Variants in PTPN14 observed in about 807,000 individuals in gnomAD.
PTPN14 encodes the protein protein tyrosine phosphatase non-receptor type 14.
A neutral mutation model predicts 126.8 loss-of-function variants in PTPN14; 53 were observed. That is an observed-to-expected ratio of 0.42 (90% CI 0.34 to 0.53). The LOEUF (loss-of-function observed/expected upper bound fraction) is 0.53. Ranked by LOEUF, PTPN14 falls within the 20% of genes least tolerant of loss-of-function variation. The pLI, the probability that PTPN14 is intolerant of heterozygous loss-of-function variation, is 0.08. For synonymous variants in PTPN14, 630 were observed against 599.3 expected (o/e 1.05, Z -0.75); for missense variants, 1,257 against 1,552.9 (o/e 0.81, Z 3.20).
chr1:214,400,627 G>A (rs961877502), intron 7 of PTPN14, among the ~76,000 whole-genome samples: 145 of 152,300 alleles, frequency 9.5e-4, no homozygotes, highest in African/African-American at 3.4e-3. Context: ...TAGAAGCAGA[G>A]AAAAGTTTAC....
At chr1:214,438,765 C>T (rs1455466196) in intron 3 of PTPN14, among the ~76,000 whole-genome samples, 1 of 152,206 alleles carries the variant, frequency 6.6e-6, no homozygotes, top group Non-Finnish European at 1.5e-5. Context: ...AGAGAATCTT[C>T]TGCCAGGTGA....
chr1:214,376,146 T>G, intron 15 of PTPN14, 73 bp downstream of exon 15: 1 of 1,408,794 alleles, frequency 7.1e-7, no homozygotes, highest in Non-Finnish European at 9.8e-7. Context: ...AGCCCACACA[T>G]TTTCTTCTCC....
At chr1:214,494,515 T>C (rs1310804670) in intron 1 of PTPN14, among the ~76,000 whole-genome samples, 1 of 152,224 alleles carries the variant, frequency 6.6e-6, no homozygotes, top group African/African-American at 2.4e-5. Flanking sequence ...GAACAAGCCC[T>C]GGATGTACTT....
intron 2 of PTPN14, among the ~76,000 whole-genome samples, chr1:214,454,049 A>T (rs2102637944): frequency 6.6e-6 from 1 of 152,310 alleles, no homozygotes; most frequent in South Asian, 2.1e-4. Flanking sequence ...TCCTGTATGG[A>T]ACACAGGGCT....
chr1:214,441,259 T>G (rs1409326527), intron 3 of PTPN14, among the ~76,000 whole-genome samples: 1 of 152,220 alleles, frequency 6.6e-6, no homozygotes, highest in Non-Finnish European at 1.5e-5. Context: ...ATCTTGCACA[T>G]AAATGTTAGC....
chr1:214,494,033 C>T (rs535069186), intron 1 of PTPN14, among the ~76,000 whole-genome samples: 57 of 152,218 alleles, frequency 3.7e-4, no homozygotes, highest in Middle Eastern at 6.8e-3. Flanking sequence ...TCCTCTCTCC[C>T]GTCCTTAGTG....
chr1:214,408,707 TG>T (rs1659227548), intron 5 of PTPN14, among the ~76,000 whole-genome samples: 1 of 151,980 alleles, frequency 6.6e-6, no homozygotes, highest in Admixed American at 6.5e-5. Context: ...ACAGGAAGGA[TG>T]GTGAGGGTGT....
At position 214,350,165 on chromosome 1, in the gene PTPN14, T is replaced by C. The variant is rs1238201918; in HGVS notation, c.*7757A>G. The C allele has an allele frequency of 6.6e-6, 1 of 152,224 alleles. No individual in the cohort carries two copies. The highest frequency in any genetic ancestry group is 2.4e-5 in the African/African-American group (1 of 41,462). The allele number at this position is 152,224 out of a possible 1,614,324, so 9.4% of individuals were successfully genotyped here. On this transcript the variant is annotated 3_prime_UTR_variant, in exon 19 of 19. Transcript: ENST00000366956. Reference sequence around the variant, plus strand: ...TTGGATGACCCGCTAATCTTTCCCCTTCCTAGGTAAGTGAAAACAGATAAA... The same window carrying C: ...TTGGATGACCCGCTAATCTTTCCCCCTCCTAGGTAAGTGAAAACAGATAAA...
At chr1:214,516,204 C>T (rs1237474124) in intron 1 of PTPN14, among the ~76,000 whole-genome samples, 1 of 152,206 alleles carries the variant, frequency 6.6e-6, no homozygotes, top group African/African-American at 2.4e-5. Flanking sequence ...TTTGCTTCTA[C>T]AGTGTCTTCA....
chr1:214,440,080 T>A (rs1210816849), intron 3 of PTPN14, among the ~76,000 whole-genome samples: 1 of 152,168 alleles, frequency 6.6e-6, no homozygotes, highest in Non-Finnish European at 1.5e-5. Context: ...TTTAAATAAA[T>A]CCTATCTATG....
chr1:214,357,653 A>G lies in PTPN14; in HGVS notation c.*269T>C. The G allele has an allele frequency of 3.9e-6, 1 of 253,764 alleles. No homozygotes were observed. The highest frequency in any genetic ancestry group is 8.1e-5 in the East Asian group (1 of 12,352). 15.7% of individuals were successfully genotyped at this position (253,764 alleles called of 1,614,324 possible). ...GCTGACATATATTACAATACAGATC[A>G]GTCAAGATGTGGTTCAAATGAAAAG... On this transcript the variant is annotated 3_prime_UTR_variant, in exon 19 of 19. Coordinates refer to ENST00000366956, the MANE Select transcript of PTPN14 (RefSeq NM_005401.5).
intron 1 of PTPN14, among the ~76,000 whole-genome samples, chr1:214,477,343 T>C (rs1400467401): frequency 6.6e-6 from 1 of 152,190 alleles, no homozygotes; most frequent in African/African-American, 2.4e-5. Context: ...TCATTAAAGG[T>C]ATACTGCGGC....
intron 3 of PTPN14, among the ~76,000 whole-genome samples, chr1:214,423,092 T>C (rs1358761880): frequency 6.7e-6 from 1 of 149,702 alleles, no homozygotes; most frequent in Non-Finnish European, 1.5e-5. Context: ...CAGACCAGCC[T>C]GGGCAACATG....
chr1:214,453,058 C>A (rs560548244), intron 2 of PTPN14, among the ~76,000 whole-genome samples: 49 of 152,180 alleles, frequency 3.2e-4, no homozygotes, highest in African/African-American at 1.1e-3. Flanking sequence ...CCAGACGTGC[C>A]CTTGCCTATA....
At chr1:214,549,628 C>G (rs541580279) in intron 1 of PTPN14, among the ~76,000 whole-genome samples, 2 of 152,282 alleles carry the variant, frequency 1.3e-5, no homozygotes, top group East Asian at 3.9e-4. Flanking sequence ...GCGGTATTAC[C>G]ACACCTACGG....
At chr1:214,407,691 A>C (rs12129431) in intron 5 of PTPN14, among the ~76,000 whole-genome samples, 79,636 of 151,966 alleles carry the variant, frequency 0.52, 20,834 homozygotes, top group East Asian at 0.57. Context: ...ACTTTCTCCC[A>C]TATGCCATCA....
chr1:214,383,603 T>C lies in PTPN14; in HGVS notation c.2252A>G (p.Glu751Gly). 1.2e-6 allele frequency: 2 copies of C among 1,613,146 alleles called. No homozygotes were observed. Among genetic ancestry groups the C allele is most frequent in the South Asian group, 2.2e-5 (2 of 91,066 alleles). The part of the protein sequence containing the change: ...LARIPNKPPP[E>G]YPGPRKSVSN... ...CACACTCTTCCTTGGACCGGGGTAC[T>C]CAGGCGGGGGCTTGTTGGGGATGCG... is the stretch of plus-strand genomic sequence containing the variant. The change falls in exon 13 of 19, where the codon GAG (glutamate) becomes GGG (glycine). Residue 751 changes from glutamate (E) to glycine (G), a missense_variant. By Grantham distance (98) the Glu-to-Gly change is moderately conservative. Coordinates refer to ENST00000366956, the MANE Select transcript of PTPN14 (RefSeq NM_005401.5). This position sits in a 1 kb window ranked among gnomAD's most constrained non-coding sequence, Gnocchi z 4.4.
At chr1:214,545,285 C>G (rs916867237) in intron 1 of PTPN14, among the ~76,000 whole-genome samples, 1 of 152,158 alleles carries the variant, frequency 6.6e-6, no homozygotes. Flanking sequence ...GCTCACAGTT[C>G]TGGAGGCTGG....
At chr1:214,386,748 A>G (rs1213946875) in intron 12 of PTPN14, 96 bp downstream of exon 12, 2 of 1,250,450 alleles carry the variant, frequency 1.6e-6, no homozygotes, top group Middle Eastern at 1.9e-4. Context: ...AGTTGAAAAG[A>G]AAGCATCCCT....
Sources: gnomAD v4.1 joint callset for allele counts (sites outside exome capture counted in the v4.1 genomes callset) on GRCh38, gnomAD v4.1.1 for gene constraint, Gnocchi (gnomAD v3.1) non-coding constraint, MANE v1.5 for transcripts, NCBI Gene and HGNC (gene_info 2026-07-23, HGNC 2026-07-21) for gene names.